INPP5A: variants seen among roughly 807,000 people sequenced by gnomAD.
INPP5A encodes inositol polyphosphate-5-phosphatase A.
In INPP5A, 14 loss-of-function variants were observed where a neutral mutation model predicts 65.2. The ratio of observed to expected loss-of-function variants is 0.21; its 90% CI spans 0.14 to 0.34. The LOEUF (loss-of-function observed/expected upper bound fraction) is 0.34, where lower values mean the gene tolerates loss of function less well. Among genes scored for constraint, INPP5A ranks in the 10% least tolerant of loss-of-function variants. INPP5A has a pLI of 1.00. For missense variants in INPP5A, 431 were observed against 545.6 expected (o/e 0.79, Z 2.09); for synonymous variants, 207 against 208.3 (o/e 0.99, Z 0.05).
chr10:132,684,953 ACT>A (rs1360716749), intron 4 of INPP5A, among the ~76,000 whole-genome samples: 1 of 152,084 alleles, frequency 6.6e-6, no homozygotes, highest in East Asian at 1.9e-4. Context: ...TAATCTCTCG[ACT>A]CTCATTTAAA....
At chr10:132,630,799 G>A (rs1409338339) in intron 2 of INPP5A, among the ~76,000 whole-genome samples, 2 of 151,938 alleles carry the variant, frequency 1.3e-5, no homozygotes, top group African/African-American at 4.8e-5. Context: ...CCGGGAGGCG[G>A]CGGGGGCGGC....
chr10:132,768,765 G>A (rs1006248811), intron 12 of INPP5A, among the ~76,000 whole-genome samples: 11 of 152,230 alleles, frequency 7.2e-5, no homozygotes, highest in African/African-American at 1.4e-4. Context: ...TCCTTCCTGC[G>A]GTGACTCCCG....
At chr10:132,757,812 C>T (rs1380698859) in intron 11 of INPP5A, among the ~76,000 whole-genome samples, 4 of 144,032 alleles carry the variant, frequency 2.8e-5, no homozygotes, top group South Asian at 2.3e-4. Context: ...CGTGGGTGCC[C>T]GGCCGACCCC....
rs1220875695 is a variant in INPP5A at position 132,707,552 on chromosome 10, G to A, written c.475-761G>A. ...ACTTTGCACGCTCGGTGGCCCCGGT[G>A]GCTGGCCACTGCTGTACTGGGTGGC... On this transcript the variant is annotated intron_variant, in intron 6 of 15. Coordinates refer to ENST00000368594, the MANE Select transcript of INPP5A (RefSeq NM_005539.5). The surrounding 1 kb of genome is among the most constrained non-coding windows in gnomAD (Gnocchi z 5.5). Among the ~76,000 whole-genome samples, 1 of 152,176 alleles carries A rather than the reference G, an allele frequency of 6.6e-6. No individual in the cohort carries two copies. The highest frequency in any genetic ancestry group is 1.9e-4 in the East Asian group (1 of 5,192).
chr10:132,615,854 T>TCCCAGCCC (rs1350250435), intron 2 of INPP5A, among the ~76,000 whole-genome samples: 39 of 152,134 alleles, frequency 2.6e-4, no homozygotes, highest in Non-Finnish European at 2.9e-5. Context: ...GGCCCCAGGC[T>TCCCAGCCC]GGGGCAAGGG....
chr10:132,682,922 G>A (rs184087337), intron 4 of INPP5A, among the ~76,000 whole-genome samples: 177 of 143,346 alleles, frequency 1.2e-3, no homozygotes, highest in African/African-American at 4.3e-3. Flanking sequence ...CCTATGTGGC[G>A]GGCACGTGTC....
At chr10:132,709,161 C>CT (rs1256204636) in intron 7 of INPP5A, among the ~76,000 whole-genome samples, 1 of 150,744 alleles carries the variant, frequency 6.6e-6, no homozygotes, top group Non-Finnish European at 1.5e-5. Context: ...CTCACTGGGG[C>CT]TGTGGGCAGG....
chr10:132,617,725 A>G (rs1201304844), intron 2 of INPP5A, among the ~76,000 whole-genome samples: 1 of 152,202 alleles, frequency 6.6e-6, no homozygotes, highest in Non-Finnish European at 1.5e-5. Context: ...TGCCTGCCAC[A>G]CAGAAGTCTG....
At chr10:132,542,050 A>G (rs1056695669) in intron 1 of INPP5A, among the ~76,000 whole-genome samples, 3 of 152,222 alleles carry the variant, frequency 2.0e-5, no homozygotes, top group Non-Finnish European at 2.9e-5. Flanking sequence ...GGTTCCTTCC[A>G]TTTTTATGAG....
chr10:132,752,072 G>T (rs369067317), intron 11 of INPP5A, among the ~76,000 whole-genome samples: 117 of 147,480 alleles, frequency 7.9e-4, no homozygotes, highest in East Asian at 7.3e-3. Context: ...AGGCGTCTGG[G>T]TGGAGGCGGG....
chr10:132,613,637 C>A (rs756703900), intron 2 of INPP5A, among the ~76,000 whole-genome samples: 3 of 152,328 alleles, frequency 2.0e-5, no homozygotes. Flanking sequence ...AATCCCCACT[C>A]TCGATTTCAA....
chr10:132,604,289 C>T (rs1257062853), intron 1 of INPP5A, among the ~76,000 whole-genome samples: 2 of 150,048 alleles, frequency 1.3e-5, no homozygotes, highest in Non-Finnish European at 3.0e-5. Context: ...CCTCTCCATC[C>T]TGCCCTGTGC....
At position 132,730,735 on chromosome 10, in the gene INPP5A, G is replaced by GTGGC. The variant is rs1179294094; in HGVS notation, c.732+3831_732+3834dup. Among the ~76,000 whole-genome samples, 4 of 152,322 alleles carry GTGGC rather than the reference G, an allele frequency of 2.6e-5. No individual in the cohort carries two copies. In the East Asian group the frequency reaches 7.7e-4, roughly 29 times the overall value. ...GCTCCTGCGGGCCTGGCTGACCCAG[G>GTGGC]TGGCGTCTTGAAGTCCCAGCCGCGT... On this transcript the variant is annotated intron_variant, in intron 9 of 15. Transcript: ENST00000368594.
chr10:132,747,470 G>A (rs907449689), intron 9 of INPP5A, among the ~76,000 whole-genome samples: 5 of 152,274 alleles, frequency 3.3e-5, no homozygotes, highest in Admixed American at 2.0e-4. Context: ...GGAGGTAGAC[G>A]CTGCATCTTG....
At chr10:132,583,218 C>G (rs1470924228) in intron 1 of INPP5A, among the ~76,000 whole-genome samples, 1 of 152,036 alleles carries the variant, frequency 6.6e-6, no homozygotes, top group Admixed American at 6.6e-5. Flanking sequence ...GTGTGATTTT[C>G]CAGTTGTTTA....
chr10:132,774,662 C>G (rs1260134665), intron 12 of INPP5A, among the ~76,000 whole-genome samples: 4 of 151,984 alleles, frequency 2.6e-5, no homozygotes, highest in Non-Finnish European at 5.9e-5. Flanking sequence ...TTCTCGGGCC[C>G]GTGGCGACCC....
rs1270661976 is a variant in INPP5A at position 132,706,116 on chromosome 10, C to G, written c.475-2197C>G. Among the ~76,000 whole-genome samples, 1 of 152,186 alleles carries G rather than the reference C, an allele frequency of 6.6e-6. No homozygotes were observed. Among genetic ancestry groups the G allele is most frequent in the Non-Finnish European group, 1.5e-5 (1 of 68,036 alleles). On this transcript the variant is annotated intron_variant, in intron 6 of 15. Transcript: ENST00000368594. The surrounding 1 kb of genome is among the most constrained non-coding windows in gnomAD (Gnocchi z 4.7). ...TGCATTAGAAATTACAGAACAGATT[C>G]TAGACTAGATGTGGTCAAAGAGAGA...
At chr10:132,734,076 C>T (rs746133429) in intron 9 of INPP5A, among the ~76,000 whole-genome samples, 2 of 152,236 alleles carry the variant, frequency 1.3e-5, no homozygotes, top group South Asian at 2.1e-4. Context: ...ACCGGGGCTG[C>T]GCAGGTACCT....
chr10:132,737,721 TATTC>T (rs1473282870), intron 9 of INPP5A, among the ~76,000 whole-genome samples: 6 of 152,256 alleles, frequency 3.9e-5, no homozygotes, highest in Admixed American at 3.9e-4. Flanking sequence ...ACTCACTTGT[TATTC>T]TAGAGTCTTG....
Sources: gnomAD v4.1 joint callset for allele counts (sites outside exome capture counted in the v4.1 genomes callset) on GRCh38, gnomAD v4.1.1 for gene constraint, Gnocchi (gnomAD v3.1) non-coding constraint, MANE v1.5 for transcripts, NCBI Gene and HGNC (gene_info 2026-07-23, HGNC 2026-07-21) for gene names.